The following NAA11 variants were observed in gnomAD, a reference collection of about 807,000 sequenced individuals.
The protein encoded by NAA11 is N-alpha-acetyltransferase 11.
Under a neutral mutation model 16.1 loss-of-function variants are expected in NAA11, and 15 were observed. The ratio of observed to expected loss-of-function variants is 0.93; its 90% CI spans 0.62 to 1.44. The LOEUF (loss-of-function observed/expected upper bound fraction) is 1.44, where lower values mean the gene tolerates loss of function less well. NAA11 is among the 40% of genes most tolerant of loss of function. The pLI, the probability that NAA11 is intolerant of heterozygous loss-of-function variation, is 0.00. For missense variants in NAA11, 298 were observed against 291.3 expected, an observed-to-expected ratio of 1.02 and a Z score of -0.17; for synonymous variants, 122 against 112.4, an observed-to-expected ratio of 1.09 and a Z score of -0.54.
chr4:79,303,076 TTATATATATATATATATATATATA>T (rs59261096), intron 1 of NAA11, among the ~76,000 whole-genome samples: 23 of 67,530 alleles, frequency 3.4e-4, no homozygotes, highest in South Asian at 1.9e-3. Flanking sequence ...TTGAGGCCTT[TTATATATATATATATATATATATA>T]TATATATATA....
chr4:79,220,882 T>A (rs931772717), downstream of NAA11, among the ~76,000 whole-genome samples: 1 of 152,070 alleles, frequency 6.6e-6, no homozygotes, highest in African/African-American at 2.4e-5. Context: ...CATATGAAAT[T>A]TAAAGTAGTT....
intron 2 of NAA11, among the ~76,000 whole-genome samples, chr4:79,243,775 G>T (rs905694792): frequency 6.6e-6 from 1 of 152,170 alleles, no homozygotes; most frequent in African/African-American, 2.4e-5. Context: ...TATTTAAAAG[G>T]CCTTAGAACA....
intron 2 of NAA11, among the ~76,000 whole-genome samples, chr4:79,275,861 C>T (rs1185071017): frequency 6.6e-6 from 1 of 152,026 alleles, no homozygotes; most frequent in East Asian, 1.9e-4. Flanking sequence ...TCGTAAATGC[C>T]AGTGAGTCTG....
At chr4:79,305,688 A>G (rs1190900974) in intron 1 of NAA11, among the ~76,000 whole-genome samples, 1 of 152,186 alleles carries the variant, frequency 6.6e-6, no homozygotes. Context: ...TTGATTATGT[A>G]TTATAAGGAC....
chr4:79,245,600 G>T (rs541530696), intron 2 of NAA11: 1 of 143,316 alleles, frequency 7.0e-6, no homozygotes, highest in Non-Finnish European at 1.5e-5. Flanking sequence ...CCGCCACCCC[G>T]TCTGGGAACT....
chr4:79,234,525 T>G (rs1288132296), intron 2 of NAA11, among the ~76,000 whole-genome samples: 1 of 152,160 alleles, frequency 6.6e-6, no homozygotes, highest in Non-Finnish European at 1.5e-5. Context: ...CCTTTGTTTT[T>G]GGGTTCATGC....
intron 2 of NAA11, among the ~76,000 whole-genome samples, chr4:79,276,829 C>T (rs1722660529): frequency 6.6e-6 from 1 of 152,130 alleles, no homozygotes; most frequent in South Asian, 2.1e-4. Flanking sequence ...AATACCAGAT[C>T]AATTTAAAGC....
the NAA11 span, among the ~76,000 whole-genome samples, chr4:79,157,632 C>T: frequency 6.7e-6 from 1 of 150,092 alleles, no homozygotes; most frequent in African/African-American, 2.5e-5. Flanking sequence ...TGTATATATA[C>T]CAAAGCCCTC....
the NAA11 span, among the ~76,000 whole-genome samples, chr4:79,180,780 C>T: frequency 1.3e-5 from 2 of 152,114 alleles, no homozygotes; most frequent in African/African-American, 2.4e-5. Context: ...CACATGCACA[C>T]GTATGTTTAC....
the NAA11 span, among the ~76,000 whole-genome samples, chr4:79,170,180 C>G: frequency 4.7e-4 from 71 of 152,308 alleles, no homozygotes; most frequent in African/African-American, 1.5e-3. Context: ...TGTGCAATCA[C>G]ACAGGGTCCT....
chr4:79,292,065 A>G (rs1241683357), intron 2 of NAA11, among the ~76,000 whole-genome samples: 1 of 152,186 alleles, frequency 6.6e-6, no homozygotes, highest in Non-Finnish European at 1.5e-5. Context: ...TAAATTTCAG[A>G]GCATCTAAAT....
chr4:79,209,921 C>T, the NAA11 span, among the ~76,000 whole-genome samples: 3 of 152,086 alleles, frequency 2.0e-5, no homozygotes, highest in African/African-American at 7.2e-5. Context: ...TGGCGCACAC[C>T]TGTAATTCCA....
At chr4:79,271,859 A>T (rs955158249) in intron 2 of NAA11, among the ~76,000 whole-genome samples, 1 of 151,946 alleles carries the variant, frequency 6.6e-6, no homozygotes, top group African/African-American at 2.4e-5. Flanking sequence ...TGGCATAGAG[A>T]CCTAGAATCC....
At chr4:79,250,086 G>C (rs772815332) in intron 2 of NAA11, among the ~76,000 whole-genome samples, 1 of 152,218 alleles carries the variant, frequency 6.6e-6, no homozygotes, top group Non-Finnish European at 1.5e-5. Context: ...GTGTGACCCC[G>C]CACAGGAAAC....
At chr4:79,256,827 A>AT (rs1722124261) in intron 2 of NAA11, among the ~76,000 whole-genome samples, 1 of 151,002 alleles carries the variant, frequency 6.6e-6, no homozygotes, top group South Asian at 2.1e-4. Context: ...TAATTTTTAT[A>AT]TTTTTTGTTA....
At chr4:79,217,365 C>A in the NAA11 span, among the ~76,000 whole-genome samples, 1 of 152,148 alleles carries the variant, frequency 6.6e-6, no homozygotes, top group Admixed American at 6.5e-5. Flanking sequence ...TAGCAGATAC[C>A]TTTGCCATGA....
the NAA11 span, among the ~76,000 whole-genome samples, chr4:79,158,069 T>C: frequency 6.6e-6 from 1 of 151,874 alleles, no homozygotes; most frequent in South Asian, 2.1e-4. Flanking sequence ...CCCTGCTAAT[T>C]CTTTTTATTT....
At chr4:79,213,026 C>T in the NAA11 span, among the ~76,000 whole-genome samples, 1 of 152,114 alleles carries the variant, frequency 6.6e-6, no homozygotes, top group South Asian at 2.1e-4. Flanking sequence ...ACACCAAATA[C>T]AGTACTCTAC....
At chr4:79,191,793 T>A in the NAA11 span, among the ~76,000 whole-genome samples, 2 of 152,192 alleles carry the variant, frequency 1.3e-5, no homozygotes, top group South Asian at 2.1e-4. Context: ...TAGGTTGTCT[T>A]CCAGGATTTT....
Sources: gnomAD v4.1 joint callset for allele counts (sites outside exome capture counted in the v4.1 genomes callset) on GRCh38, gnomAD v4.1.1 for gene constraint, MANE v1.5 for transcripts, NCBI Gene and HGNC (gene_info 2026-07-23, HGNC 2026-07-21) for gene names.